FIGN: variants seen among roughly 807,000 people sequenced by gnomAD.
FIGN encodes fidgetin.
In FIGN, 11 loss-of-function variants were observed where a neutral mutation model predicts 51.3. That is an observed-to-expected ratio of 0.21 (90% CI 0.13 to 0.35). The LOEUF is 0.35. Among genes scored for constraint, FIGN ranks in the 10% least tolerant of loss-of-function variants. The pLI is 1.00. For synonymous variants in FIGN, 407 were observed against 363.2 expected (o/e 1.12, Z -1.37); for missense variants, 857 against 943.6 (o/e 0.91, Z 1.20).
intron 2 of FIGN, among the ~76,000 whole-genome samples, chr2:163,633,614 G>C: frequency 6.6e-6 from 1 of 152,124 alleles, no homozygotes; most frequent in Non-Finnish European, 1.5e-5. Context: ...CATTGACAGA[G>C]TCCCAGAATG....
At chr2:163,689,657 G>A (rs1684208047) in intron 2 of FIGN, among the ~76,000 whole-genome samples, 1 of 152,112 alleles carries the variant, frequency 6.6e-6, no homozygotes, top group Non-Finnish European at 1.5e-5. Context: ...ATTGCTACAT[G>A]TTTTAGAAGC....
intron 2 of FIGN, among the ~76,000 whole-genome samples, chr2:163,684,057 G>A (rs531762287): frequency 6.6e-6 from 1 of 152,192 alleles, no homozygotes; most frequent in African/African-American, 2.4e-5. Flanking sequence ...CTCCACTAAT[G>A]AGAAATGTGT....
intron 2 of FIGN, among the ~76,000 whole-genome samples, chr2:163,709,905 C>T (rs561146661): frequency 6.6e-6 from 1 of 152,178 alleles, no homozygotes; most frequent in Non-Finnish European, 1.5e-5. Flanking sequence ...TTTATTTTCT[C>T]ATTGCCTTAC....
chr2:163,637,634 CA>C (rs1252190980), intron 2 of FIGN, among the ~76,000 whole-genome samples: 1 of 148,380 alleles, frequency 6.7e-6, no homozygotes, highest in Non-Finnish European at 1.5e-5. Context: ...TTTGGCTTCT[CA>C]AAAAAGAAGA....
chr2:163,703,532 A>G (rs922851724), intron 2 of FIGN, among the ~76,000 whole-genome samples: 1 of 152,150 alleles, frequency 6.6e-6, no homozygotes, highest in Non-Finnish European at 1.5e-5. Flanking sequence ...TGCTACATAG[A>G]AAGAATTTTC....
At chr2:163,629,729 C>T (rs888218247) in intron 2 of FIGN, among the ~76,000 whole-genome samples, 2 of 151,984 alleles carry the variant, frequency 1.3e-5, no homozygotes, top group Non-Finnish European at 2.9e-5. Context: ...CCATATGGCC[C>T]ACATATCTAG....
chr2:163,715,346 G>A (rs1462085771), intron 2 of FIGN, among the ~76,000 whole-genome samples: 1 of 152,200 alleles, frequency 6.6e-6, no homozygotes, highest in African/African-American at 2.4e-5. Flanking sequence ...ACACCAATGT[G>A]GGGAGATTCG....
intron 2 of FIGN, among the ~76,000 whole-genome samples, chr2:163,712,714 G>A (rs1202835928): frequency 6.6e-6 from 1 of 151,994 alleles, no homozygotes; most frequent in Non-Finnish European, 1.5e-5. Flanking sequence ...AAATTTTCAT[G>A]TTGCCAACAT....
intron 2 of FIGN, among the ~76,000 whole-genome samples, chr2:163,687,405 G>C (rs917913322): frequency 2.6e-5 from 4 of 152,162 alleles, no homozygotes; most frequent in African/African-American, 9.7e-5. Context: ...ATTGACACTT[G>C]CCTTTGACAA....
At chr2:163,624,181 C>T (rs1192212965) in intron 2 of FIGN, among the ~76,000 whole-genome samples, 1 of 152,002 alleles carries the variant, frequency 6.6e-6, no homozygotes, top group Non-Finnish European at 1.5e-5. Flanking sequence ...AGTGCACATT[C>T]GTAAAGCTTT....
At chr2:163,644,580 G>A (rs1683354202) in intron 2 of FIGN, among the ~76,000 whole-genome samples, 1 of 152,094 alleles carries the variant, frequency 6.6e-6, no homozygotes, top group African/African-American at 2.4e-5. Flanking sequence ...CACTCTTACG[G>A]ATATACCCAT....
At chr2:163,635,208 A>G (rs1683207187) in intron 2 of FIGN, among the ~76,000 whole-genome samples, 1 of 152,206 alleles carries the variant, frequency 6.6e-6, no homozygotes. Flanking sequence ...ATGCTACTGA[A>G]TAAGACTCTC....
chr2:163,603,747 G>A lies in FIGN; in HGVS notation c.*5805C>T, dbSNP rs957713029. The A allele has an allele frequency of 1.1e-4, 17 of 152,070 alleles. No homozygotes were observed. Among genetic ancestry groups the A allele is most frequent in the Non-Finnish European group, 4.4e-5 (3 of 67,976 alleles). 9.4% of individuals were successfully genotyped at this position (152,070 alleles called of 1,614,324 possible). A position where few individuals can be genotyped will look rare whatever the true frequency, so the allele number is the denominator to read the frequency against. ...TAAAATATCCACAATTTGCTGACAA[G>A]CAACTTCAAAAGTCCATTCATCGAT... is the stretch of plus-strand genomic sequence containing the variant. On this transcript the variant is annotated 3_prime_UTR_variant, in exon 3 of 3. Coordinates refer to ENST00000333129, the MANE Select transcript of FIGN (RefSeq NM_018086.4).
intron 2 of FIGN, among the ~76,000 whole-genome samples, chr2:163,694,639 C>T (rs73017731): frequency 0.11 from 16,469 of 152,206 alleles, 1,739 homozygotes; most frequent in African/African-American, 0.28. Flanking sequence ...AGTAAAGTCA[C>T]TGGGACAAGA....
chr2:163,611,811 G>A lies in FIGN; in HGVS notation c.26-5C>T, dbSNP rs1204658843. 2.5e-6 allele frequency: 4 copies of A among 1,586,244 alleles called. No homozygotes were observed. The highest frequency in any genetic ancestry group is 2.7e-5 in the African/African-American group (2 of 74,230). On this transcript the variant is annotated splice_polypyrimidine_tract_variant and splice_region_variant and intron_variant, in intron 2 of 2. Transcript: ENST00000333129. ...GCGTCCACTGCATCTTCAAGCCTAA[G>A]AATTTTGGGGGGAAAAGAGTTAATT...
chr2:163,718,836 A>AGGGC (rs1684710449), intron 2 of FIGN, among the ~76,000 whole-genome samples: 1 of 129,496 alleles, frequency 7.7e-6, no homozygotes, highest in Non-Finnish European at 1.6e-5. Context: ...TAAGACAGAG[A>AGGGC]GAGTGAGAGA....
At chr2:163,677,328 AT>A in intron 2 of FIGN, among the ~76,000 whole-genome samples, 1 of 152,216 alleles carries the variant, frequency 6.6e-6, no homozygotes, top group Non-Finnish European at 1.5e-5. Context: ...AATATGAACA[AT>A]TTTATCCCAA....
Position 163,606,808 on chromosome 2 carries a change from G to A in FIGN, c.*2744C>T, listed in dbSNP as rs1196213806. On this transcript the variant is annotated 3_prime_UTR_variant, in exon 3 of 3. Transcript: ENST00000333129. Reference sequence around the variant, plus strand: ...CCTAAGAGATCAAATCTTGGATTTTGTGAGGCTAAATGAAAATCACATACG... The same window carrying A: ...CCTAAGAGATCAAATCTTGGATTTTATGAGGCTAAATGAAAATCACATACG... 2 of 152,158 alleles carry A rather than the reference G, an allele frequency of 1.3e-5. No individual in the cohort carries two copies. Among genetic ancestry groups the A allele is most frequent in the Non-Finnish European group, 2.9e-5 (2 of 68,036 alleles). 9.4% of individuals were successfully genotyped at this position (152,158 alleles called of 1,614,324 possible).
intron 2 of FIGN, among the ~76,000 whole-genome samples, chr2:163,621,243 G>A (rs1682967203): frequency 6.6e-6 from 1 of 152,072 alleles, no homozygotes; most frequent in African/African-American, 2.4e-5. Flanking sequence ...AGTATGCAAA[G>A]CCCAGACAAA....
Sources: gnomAD v4.1 joint callset for allele counts (sites outside exome capture counted in the v4.1 genomes callset) on GRCh38, gnomAD v4.1.1 for gene constraint, MANE v1.5 for transcripts, NCBI Gene and HGNC (gene_info 2026-07-23, HGNC 2026-07-21) for gene names.